The following BCL2L11 variants were observed in gnomAD, a reference collection of about 807,000 sequenced individuals.
BCL2L11 encodes the protein bcl-2-like protein 11.
Under a neutral mutation model 20.6 loss-of-function variants are expected in BCL2L11, and 15 were observed. The ratio of observed to expected loss-of-function variants is 0.73; its 90% CI spans 0.49 to 1.12. BCL2L11 has a LOEUF of 1.12. BCL2L11 is among the 50% of genes most tolerant of loss of function. BCL2L11 has a pLI of 0.00. For missense variants in BCL2L11, 292 were observed against 260.9 expected (o/e 1.12, Z -0.82); for synonymous variants, 108 against 92.8 (o/e 1.16, Z -0.94).
At chr2:111,161,446 C>G (rs1226776679) in intron 3 of BCL2L11, 1 of 1,550,450 alleles carries the variant, frequency 6.4e-7, no homozygotes, top group Non-Finnish European at 8.7e-7. Flanking sequence ...TTAAGAACCA[C>G]TGTAGCAGAC....
At chr2:111,126,608 C>T (rs2072677164) in intron 2 of BCL2L11, among the ~76,000 whole-genome samples, 1 of 152,052 alleles carries the variant, frequency 6.6e-6, no homozygotes, top group Admixed American at 6.5e-5. Flanking sequence ...TTTATGTAGT[C>T]CATAATTTTC....
intron 1 of BCL2L11, chr2:111,122,907 G>T: frequency 2.0e-6 from 2 of 985,324 alleles, no homozygotes; most frequent in Non-Finnish European, 2.4e-6. Flanking sequence ...GCTGCGCTCT[G>T]AAGGGAAGGC....
At chr2:111,121,861 C>T (rs1363704543) in intron 1 of BCL2L11, among the ~76,000 whole-genome samples, 1 of 152,214 alleles carries the variant, frequency 6.6e-6, no homozygotes, top group Non-Finnish European at 1.5e-5. Context: ...CCCTGACCAC[C>T]TGGACCGCGC....
chr2:111,155,812 T>C (rs2077765538), intron 3 of BCL2L11, among the ~76,000 whole-genome samples: 1 of 152,204 alleles, frequency 6.6e-6, no homozygotes, highest in Non-Finnish European at 1.5e-5. Flanking sequence ...CAGTGATCTT[T>C]TGTTTACACT....
chr2:111,135,825 G>A (rs2074773970), intron 2 of BCL2L11, among the ~76,000 whole-genome samples: 2 of 152,196 alleles, frequency 1.3e-5, no homozygotes, highest in Non-Finnish European at 2.9e-5. Context: ...TAGAGGTGGA[G>A]GCTTAGCTCA....
At chr2:111,136,324 T>G (rs1232804346) in intron 2 of BCL2L11, among the ~76,000 whole-genome samples, 1 of 152,078 alleles carries the variant, frequency 6.6e-6, no homozygotes, top group African/African-American at 2.4e-5. Flanking sequence ...AGTCCTGAGG[T>G]CCCCAGCAGC....
chr2:111,144,079 C>T (rs114495472), intron 2 of BCL2L11, among the ~76,000 whole-genome samples: 66 of 152,216 alleles, frequency 4.3e-4, no homozygotes, highest in Middle Eastern at 3.4e-3. Context: ...GGGCAGTGCA[C>T]GTTGAAAGAG....
chr2:111,148,752 G>T (rs1351521123), intron 2 of BCL2L11, among the ~76,000 whole-genome samples: 1 of 152,166 alleles, frequency 6.6e-6, no homozygotes, highest in Admixed American at 6.5e-5. Context: ...CAGGGGTGGT[G>T]TGATATTCTG....
At chr2:111,139,954 A>C (rs1335476476) in intron 2 of BCL2L11, among the ~76,000 whole-genome samples, 1 of 152,246 alleles carries the variant, frequency 6.6e-6, no homozygotes, top group East Asian at 1.9e-4. Flanking sequence ...ACCACGAGGC[A>C]GCAGTGAGGG....
chr2:111,132,276 A>G (rs2074089972), intron 2 of BCL2L11: 1 of 152,258 alleles, frequency 6.6e-6, no homozygotes, highest in Admixed American at 6.5e-5. Flanking sequence ...GTAAAACGAG[A>G]TAAATACTGT....
chr2:111,151,257 G>A (rs1024022429), intron 3 of BCL2L11, among the ~76,000 whole-genome samples: 11 of 152,274 alleles, frequency 7.2e-5, no homozygotes, highest in African/African-American at 2.6e-4. Flanking sequence ...AGTACCATTG[G>A]GAACACCTGT....
At chr2:111,133,486 C>G (rs2074313070) in intron 2 of BCL2L11, among the ~76,000 whole-genome samples, 1 of 152,170 alleles carries the variant, frequency 6.6e-6, no homozygotes, top group South Asian at 2.1e-4. Context: ...TCCTCTTTGA[C>G]CCTAGGTTAT....
At chr2:111,157,277 A>G (rs1337130790) in intron 3 of BCL2L11, among the ~76,000 whole-genome samples, 1 of 152,118 alleles carries the variant, frequency 6.6e-6, no homozygotes, top group Admixed American at 6.5e-5. Context: ...CTTGAGGAGG[A>G]AATGAAGATG....
chr2:111,129,980 G>T (rs1020384263), intron 2 of BCL2L11, among the ~76,000 whole-genome samples: 2 of 152,194 alleles, frequency 1.3e-5, no homozygotes. Flanking sequence ...GTATTCCATA[G>T]ATGATGCACC....
intron 3 of BCL2L11, among the ~76,000 whole-genome samples, chr2:111,157,469 T>C (rs2078007596): frequency 6.6e-6 from 1 of 152,224 alleles, no homozygotes; most frequent in South Asian, 2.1e-4. Context: ...GTGTTTCTTC[T>C]CTGAATCTAA....
At chr2:111,142,452 T>G (rs2075972205) in intron 2 of BCL2L11, 1 of 1,312,182 alleles carries the variant, frequency 7.6e-7, no homozygotes. Flanking sequence ...TTTTGTGACT[T>G]TTAAGTGAGA....
chr2:111,152,355 A>G (rs2077356414), intron 3 of BCL2L11, among the ~76,000 whole-genome samples: 1 of 152,242 alleles, frequency 6.6e-6, no homozygotes, highest in Non-Finnish European at 1.5e-5. Flanking sequence ...CCTGCTGCCA[A>G]GAGCTCTGGG....
At chr2:111,130,827 G>A (rs1272140529) in intron 2 of BCL2L11, among the ~76,000 whole-genome samples, 3 of 152,266 alleles carry the variant, frequency 2.0e-5, no homozygotes, top group Non-Finnish European at 4.4e-5. Flanking sequence ...ATGGATGGAT[G>A]TTAGATTTTA....
chr2:111,153,721 T>C, intron 3 of BCL2L11: 1 of 1,548,212 alleles, frequency 6.5e-7, no homozygotes, highest in Non-Finnish European at 8.7e-7. Flanking sequence ...TCTAAAGTGT[T>C]AGTCTTTTAT....
Sources: allele counts gnomAD v4.1 joint callset (sites outside exome capture counted in the v4.1 genomes callset), GRCh38; gene constraint gnomAD v4.1.1; transcripts MANE v1.5; gene names NCBI Gene and HGNC (gene_info 2026-07-23, HGNC 2026-07-21).